PPFIA2: variants seen among roughly 807,000 people sequenced by gnomAD.
The protein encoded by PPFIA2 is PPFI scaffold protein A2.
A neutral mutation model predicts 175.5 loss-of-function variants in PPFIA2; 46 were observed. The ratio of observed to expected loss-of-function variants is 0.26; its 90% CI spans 0.21 to 0.34. The LOEUF (loss-of-function observed/expected upper bound fraction) is 0.34, where lower values mean the gene tolerates loss of function less well. PPFIA2 is among the 10% of genes least tolerant of loss of function. The pLI, the probability that PPFIA2 is intolerant of heterozygous loss-of-function variation, is 1.00. For synonymous variants in PPFIA2, 568 were observed against 511.4 expected, an observed-to-expected ratio of 1.11 and a Z score of -1.49; for missense variants, 1,179 against 1,506.1, an observed-to-expected ratio of 0.78 and a Z score of 3.60.
chr12:81,509,059 T>C (rs918368693), intron 4 of PPFIA2, among the ~76,000 whole-genome samples: 1 of 152,042 alleles, frequency 6.6e-6, no homozygotes, highest in African/African-American at 2.4e-5. Flanking sequence ...TGTAGGGACA[T>C]GGATGAAACT....
At chr12:81,685,494 A>C (rs1466095486) in intron 3 of PPFIA2, among the ~76,000 whole-genome samples, 1 of 152,112 alleles carries the variant, frequency 6.6e-6, no homozygotes, top group Non-Finnish European at 1.5e-5. Context: ...TCCTTAAGCC[A>C]CACAATTAAT....
rs368583569 is a variant in PPFIA2, at chr12:81,396,390, T to A, written c.762+9397A>T. On this transcript the variant is annotated intron_variant, in intron 8 of 32. Coordinates refer to ENST00000549396, the MANE Select transcript of PPFIA2 (RefSeq NM_003625.5). ...TAATACATTACTATGTTAGAATATG[T>A]TATGACATTTGAACAAAGACTGGAT... Among the ~76,000 whole-genome samples, 13 of 152,204 alleles carry A rather than the reference T, an allele frequency of 8.5e-5. No homozygotes were observed. The East Asian group carries it at 2.1e-3, about 25-fold the overall frequency.
chr12:81,626,139 G>A (rs981070008), intron 4 of PPFIA2, among the ~76,000 whole-genome samples: 1 of 151,152 alleles, frequency 6.6e-6, no homozygotes, highest in African/African-American at 2.4e-5. Context: ...TTATTTACAA[G>A]ATTGTAGATT....
chr12:81,322,429 A>T (rs1172711605), intron 22 of PPFIA2, among the ~76,000 whole-genome samples: 1 of 152,118 alleles, frequency 6.6e-6, no homozygotes, highest in African/African-American at 2.4e-5. Flanking sequence ...AACTATGAAG[A>T]ATTATAATAT....
intron 4 of PPFIA2, among the ~76,000 whole-genome samples, chr12:81,547,539 C>G (rs144360200): frequency 0.015 from 2,237 of 152,176 alleles, 47 homozygotes; most frequent in East Asian, 0.042. Flanking sequence ...CTACACCTGC[C>G]TAATTTTGTA....
At chr12:81,264,981 T>C (rs1211632897) in intron 30 of PPFIA2, among the ~76,000 whole-genome samples, 1 of 150,666 alleles carries the variant, frequency 6.6e-6, no homozygotes, top group East Asian at 1.9e-4. Context: ...TACAGTGTCG[T>C]AGCTAGGGGC....
intron 3 of PPFIA2, among the ~76,000 whole-genome samples, chr12:81,697,432 C>T (rs2076019867): frequency 6.6e-6 from 1 of 151,816 alleles, no homozygotes; most frequent in Admixed American, 6.6e-5. Flanking sequence ...TCTAATTAAT[C>T]TGAGGAAGGA....
At chr12:81,647,073 G>T (rs1007563544) in intron 4 of PPFIA2, among the ~76,000 whole-genome samples, 2 of 148,214 alleles carry the variant, frequency 1.3e-5, no homozygotes, top group Non-Finnish European at 3.0e-5. Context: ...AAAGGGGGGG[G>T]GAGCGTGTAT....
chr12:81,576,444 A>T (rs2073562371), intron 4 of PPFIA2, among the ~76,000 whole-genome samples: 1 of 151,748 alleles, frequency 6.6e-6, no homozygotes, highest in South Asian at 2.1e-4. Flanking sequence ...TTTTTAACAT[A>T]TGTGATTGAA....
intron 4 of PPFIA2, among the ~76,000 whole-genome samples, chr12:81,624,830 G>A (rs1301694483): frequency 6.6e-6 from 1 of 150,660 alleles, no homozygotes; most frequent in Non-Finnish European, 1.5e-5. Flanking sequence ...TCAGAAGGGG[G>A]AGGGTGGAGG....
At chr12:81,540,348 G>T (rs2066018595) in intron 4 of PPFIA2, among the ~76,000 whole-genome samples, 1 of 151,924 alleles carries the variant, frequency 6.6e-6, no homozygotes, top group Admixed American at 6.6e-5. Context: ...CAACTGATTT[G>T]GGGAAAGTGA....
intron 4 of PPFIA2, among the ~76,000 whole-genome samples, chr12:81,459,766 T>C (rs561106134): frequency 6.6e-6 from 1 of 152,260 alleles, no homozygotes; most frequent in South Asian, 2.1e-4. Context: ...TGACTCCATG[T>C]ATTAAGATTA....
intron 7 of PPFIA2, among the ~76,000 whole-genome samples, chr12:81,421,789 G>C (rs2046289391): frequency 6.6e-6 from 1 of 151,812 alleles, no homozygotes; most frequent in Admixed American, 6.6e-5. Flanking sequence ...AAGATCCAGT[G>C]GTTTATTTTT....
intron 3 of PPFIA2, among the ~76,000 whole-genome samples, chr12:81,740,556 T>C (rs936446180): frequency 1.4e-4 from 22 of 152,300 alleles, no homozygotes; most frequent in Middle Eastern, 3.4e-3. Flanking sequence ...GTGATGGTTG[T>C]TGCTACCTTA....
rs372553845 is a variant in PPFIA2 at position 81,646,523 on chromosome 12, A to G, written c.303+30268T>C. On this transcript the variant is annotated intron_variant, in intron 4 of 32. Transcript: ENST00000549396. ...TGCTAGGGAAGGCACAGGAATGCAA[A>G]GAGAAAGCCCTCACTCCTCTTTCAA... Among the ~76,000 whole-genome samples the G allele has an allele frequency of 2.2e-4, 33 of 152,324 alleles. No homozygotes were observed. The Middle Eastern group carries it at 0.01, about 47-fold the overall frequency.
At chr12:81,438,144 A>C (rs184001336) in intron 7 of PPFIA2, among the ~76,000 whole-genome samples, 129 of 152,288 alleles carry the variant, frequency 8.5e-4, no homozygotes, top group African/African-American at 3.0e-3. Context: ...AAGCATATAT[A>C]CACTCATTTA....
Position 81,400,804 on chromosome 12 carries a change from G to T in PPFIA2, c.762+4983C>A, listed in dbSNP as rs542447987. On this transcript the variant is annotated intron_variant, in intron 8 of 32. Coordinates refer to ENST00000549396, the MANE Select transcript of PPFIA2 (RefSeq NM_003625.5). ...AGCAAACAGGCCTGGGAGGCGAGAA[G>T]AGGCCAGCCAGCTTGGGAAGAACCT... 6.6e-5 allele frequency among the ~76,000 whole-genome samples: 10 copies of T among 152,290 alleles called. No homozygotes were observed. The East Asian group carries it at 1.7e-3, about 26-fold the overall frequency.
intron 5 of PPFIA2, among the ~76,000 whole-genome samples, chr12:81,452,291 T>C (rs1022579185): frequency 1.3e-5 from 2 of 152,206 alleles, no homozygotes; most frequent in African/African-American, 2.4e-5. Context: ...ACCTTGTGAA[T>C]AGTTATTTCC....
intron 4 of PPFIA2, among the ~76,000 whole-genome samples, chr12:81,493,754 CTATATATATATATATATATA>C (rs5799531): frequency 0.021 from 2,192 of 102,120 alleles, 108 homozygotes; most frequent in East Asian, 0.066. Flanking sequence ...GTGTGTGTGT[CTATATATATATATATATATA>C]TATATATATA....
Sources: gnomAD v4.1 joint callset for allele counts (sites outside exome capture counted in the v4.1 genomes callset) on GRCh38, gnomAD v4.1.1 for gene constraint, MANE v1.5 for transcripts, NCBI Gene and HGNC (gene_info 2026-07-23, HGNC 2026-07-21) for gene names.